WIPI1: variants seen among roughly 807,000 people sequenced by gnomAD.
WIPI1 encodes the protein WD repeat domain phosphoinositide-interacting protein 1.
In WIPI1, 45 loss-of-function variants were observed where a neutral mutation model predicts 55.3. That is an observed-to-expected ratio of 0.81 (90% CI 0.64 to 1.04). WIPI1 has a LOEUF of 1.04. Ranked by LOEUF, WIPI1 falls within the 50% of genes least tolerant of loss-of-function variation. WIPI1 has a pLI of 0.00. For synonymous variants in WIPI1, 195 were observed against 217.6 expected (o/e 0.90, Z 0.92); for missense variants, 445 against 559.0 (o/e 0.80, Z 2.06).
In WIPI1 at chr17:68,433,453, C is replaced by T; in HGVS notation, c.800+15G>A. 6.2e-7 allele frequency: 1 copy of T among 1,611,072 alleles called. No homozygotes were observed. The highest frequency in any genetic ancestry group is 8.5e-7 in the Non-Finnish European group (1 of 1,177,584). ...TTTCGTTTAATGAGCATTTGGTGCC[C>T]CGCGGAGTACTTGCCTGTTGGTGAC... On this transcript the variant is annotated intron_variant, in intron 8 of 12. Transcript: ENST00000262139.
intron 5 of WIPI1, among the ~76,000 whole-genome samples, chr17:68,436,039 A>T (rs559969411): frequency 6.6e-6 from 1 of 152,350 alleles, no homozygotes; most frequent in South Asian, 2.1e-4. Context: ...CCGCTCAGGG[A>T]TGCCTCAGAG....
rs2083751696 is a variant in WIPI1, at chr17:68,435,697, T to C, written c.544A>G (p.Ile182Val). The C allele has an allele frequency of 6.2e-7, 1 of 1,614,198 alleles. No homozygotes were observed. Among genetic ancestry groups the C allele is most frequent in the South Asian group, 1.1e-5 (1 of 91,088 alleles). ...DGNSLKTVCT[I>V]AAHEGTLAAI... ...GCTAGTGTTCCCTCATGGGCAGCAA[T>C]AGTGCAGACTGTTTTCTGTTGGTGA... is the stretch of plus-strand genomic sequence containing the variant. The change falls in exon 6 of 13, where the codon ATT (isoleucine) becomes GTT (valine). Residue 182 changes from isoleucine (I) to valine (V), a missense_variant. Coordinates refer to ENST00000262139, the MANE Select transcript of WIPI1 (RefSeq NM_017983.7).
chr17:68,446,866 G>A (rs1321267060), intron 3 of WIPI1, among the ~76,000 whole-genome samples: 2 of 152,124 alleles, frequency 1.3e-5, no homozygotes, highest in Non-Finnish European at 2.9e-5. Context: ...TGAATTTCAG[G>A]TCACCCTCAT....
At position 68,423,906 on chromosome 17, in the gene WIPI1, T is replaced by C. The variant is rs1451410523; in HGVS notation, c.1294-2086A>G. 2.6e-5 allele frequency among the ~76,000 whole-genome samples: 4 copies of C among 152,332 alleles called. No homozygotes were observed. Among genetic ancestry groups the C allele is most frequent in the Admixed American group, 6.5e-5 (1 of 15,306 alleles). ...TTAAGAATCTAATAATATTTTATAGTAGTTACAGACTTTTACCAAAATTAG... is the reference window on the plus strand; with the variant it reads ...TTAAGAATCTAATAATATTTTATAGCAGTTACAGACTTTTACCAAAATTAG... On this transcript the variant is annotated intron_variant, in intron 12 of 12. Transcript: ENST00000262139. The surrounding 1 kb of genome is among the most constrained non-coding windows in gnomAD (Gnocchi z 4.4).
chr17:68,434,475 G>T, intron 7 of WIPI1, 81 bp downstream of exon 7: 1 of 1,474,510 alleles, frequency 6.8e-7, no homozygotes, highest in Non-Finnish European at 9.3e-7. Context: ...GCCACTCTCT[G>T]TCCTCTCCCT....
At chr17:68,437,983 G>A (rs1026313309) in intron 4 of WIPI1, among the ~76,000 whole-genome samples, 8 of 107,028 alleles carry the variant, frequency 7.5e-5, no homozygotes, top group Non-Finnish European at 1.5e-4. Context: ...AGTGACTGGC[G>A]TCTATTACAA....
intron 3 of WIPI1, 137 bp from the exon 4 acceptor site, chr17:68,444,726 A>C: frequency 3.1e-6 from 2 of 641,142 alleles, no homozygotes; most frequent in Non-Finnish European, 5.2e-6. Flanking sequence ...CATTTTGAAG[A>C]TTGTGTTTAT....
chr17:68,445,380 C>T (rs772541665), intron 3 of WIPI1, among the ~76,000 whole-genome samples: 68 of 152,182 alleles, frequency 4.5e-4, no homozygotes, highest in Admixed American at 2.0e-4. Flanking sequence ...TCTCCATCAC[C>T]AAATCTTAGG....
chr17:68,439,814 A>G (rs1271527225), intron 4 of WIPI1, among the ~76,000 whole-genome samples: 1 of 152,150 alleles, frequency 6.6e-6, no homozygotes, highest in African/African-American at 2.4e-5. Flanking sequence ...CTACCGTGAT[A>G]TAGAGGTCTT....
At chr17:68,455,421 G>A (rs1048672190) in intron 1 of WIPI1, among the ~76,000 whole-genome samples, 12 of 150,750 alleles carry the variant, frequency 8.0e-5, no homozygotes, top group Admixed American at 2.0e-4. Flanking sequence ...CACGAAGTAT[G>A]AGCGTAGGGG....
chr17:68,424,003 G>T (rs977178567), intron 12 of WIPI1, among the ~76,000 whole-genome samples: 1 of 152,102 alleles, frequency 6.6e-6, no homozygotes, highest in African/African-American at 2.4e-5. Context: ...TTGTCCCCAC[G>T]GTGTCTGACC....
At chr17:68,427,058 G>T (rs1468847577) in intron 11 of WIPI1, 77 bp downstream of exon 11, 1 of 1,228,110 alleles carries the variant, frequency 8.1e-7, no homozygotes, top group Non-Finnish European at 1.2e-6. Flanking sequence ...GAAGGGGGAA[G>T]GGGAGGGAGC....
At chr17:68,446,333 ACCATGCCT>A in intron 3 of WIPI1, among the ~76,000 whole-genome samples, 1 of 152,074 alleles carries the variant, frequency 6.6e-6, no homozygotes, top group South Asian at 2.1e-4. Context: ...GGTGTGCGCC[ACCATGCCT>A]GGCTAATTTT....
intron 11 of WIPI1, among the ~76,000 whole-genome samples, chr17:68,426,934 G>A (rs1289003563): frequency 6.6e-6 from 1 of 152,156 alleles, no homozygotes; most frequent in Non-Finnish European, 1.5e-5. Flanking sequence ...AGGTTTAAAG[G>A]CTATTACCAT....
intron 4 of WIPI1, among the ~76,000 whole-genome samples, chr17:68,437,947 TTAAAAAAA>T (rs1408180699): frequency 3.6e-4 from 21 of 58,786 alleles, no homozygotes; most frequent in South Asian, 1.3e-3. Flanking sequence ...GACATCTCTC[TTAAAAAAA>T]AAAAAAAAAA....
chr17:68,424,143 T>G (rs1237746483), intron 12 of WIPI1, among the ~76,000 whole-genome samples: 8 of 152,208 alleles, frequency 5.3e-5, no homozygotes, highest in Admixed American at 5.2e-4. Flanking sequence ...GGTTTATAGT[T>G]AGGCAGCATG....
chr17:68,452,840 G>T lies in WIPI1; in HGVS notation c.163+70C>A, dbSNP rs1288338033. 8 of 1,413,948 alleles carry T rather than the reference G, an allele frequency of 5.7e-6. No homozygotes were observed. The African/African-American group carries it at 1.1e-4, about 20-fold the overall frequency. 87.6% of individuals were successfully genotyped at this position (1,413,948 alleles called of 1,614,324 possible). A position where few individuals can be genotyped will look rare whatever the true frequency, so the allele number is the denominator to read the frequency against. ...GAAAAATAGGCAGCTTGGTAGCACC[G>T]CAGATTAAAGCCTAGAAGGAGGCTC... On this transcript the variant is annotated intron_variant, in intron 2 of 12. Transcript: ENST00000262139.
At chr17:68,450,643 A>G (rs2084463293) in intron 3 of WIPI1, 85 bp downstream of exon 3, 3 of 1,488,390 alleles carry the variant, frequency 2.0e-6, no homozygotes, top group Middle Eastern at 1.8e-4. Context: ...CTTGTTTTAC[A>G]GACATTGATC....
intron 4 of WIPI1, among the ~76,000 whole-genome samples, chr17:68,440,255 C>T (rs995226149): frequency 2.0e-5 from 3 of 152,334 alleles, no homozygotes; most frequent in Admixed American, 6.5e-5. Flanking sequence ...ACTGTGACTT[C>T]CCTATGGCCC....
Sources: gnomAD v4.1 joint callset for allele counts (sites outside exome capture counted in the v4.1 genomes callset) on GRCh38, gnomAD v4.1.1 for gene constraint, Gnocchi (gnomAD v3.1) non-coding constraint, MANE v1.5 for transcripts, NCBI Gene and HGNC (gene_info 2026-07-23, HGNC 2026-07-21) for gene names.